The following GLRA1 variants were observed in gnomAD, a reference collection of about 807,000 sequenced individuals.
The protein encoded by GLRA1 is glycine receptor alpha 1.
In GLRA1, 37 loss-of-function variants were observed where a neutral mutation model predicts 48.3. That is an observed-to-expected ratio of 0.77 (90% confidence interval 0.59 to 1.01). The LOEUF is 1.01. Among genes scored for constraint, GLRA1 ranks in the 50% least tolerant of loss-of-function variants. GLRA1 has a pLI of 0.00. For missense variants in GLRA1, 427 were observed against 571.0 expected (o/e 0.75, Z 2.57); for synonymous variants, 196 against 210.7 (o/e 0.93, Z 0.60).
intron 1 of GLRA1, among the ~76,000 whole-genome samples, chr5:151,907,228 G>T (rs144527247): frequency 6.6e-6 from 1 of 152,188 alleles, no homozygotes; most frequent in East Asian, 1.9e-4. Flanking sequence ...CCAAGAAGCT[G>T]GTATACAGAA....
chr5:151,891,663 C>A (rs1391710250), intron 2 of GLRA1, among the ~76,000 whole-genome samples: 1 of 152,170 alleles, frequency 6.6e-6, no homozygotes, highest in African/African-American at 2.4e-5. Flanking sequence ...GTTATCTACC[C>A]AACCCTGGTA....
intron 7 of GLRA1, among the ~76,000 whole-genome samples, chr5:151,842,479 A>G (rs917829250): frequency 6.6e-6 from 1 of 152,234 alleles, no homozygotes; most frequent in Non-Finnish European, 1.5e-5. Flanking sequence ...CAGTCACCAT[A>G]TGAATAAAAT....
At chr5:151,920,295 T>C (rs1241590847) in intron 1 of GLRA1, among the ~76,000 whole-genome samples, 3 of 152,140 alleles carry the variant, frequency 2.0e-5, no homozygotes, top group African/African-American at 7.2e-5. Flanking sequence ...TGAGTCCCCA[T>C]TAGAGGAAGA....
chr5:151,828,257 G>T (rs988953928), intron 8 of GLRA1, among the ~76,000 whole-genome samples: 3 of 152,168 alleles, frequency 2.0e-5, no homozygotes, highest in Admixed American at 2.0e-4. Flanking sequence ...AAGCTAGGGT[G>T]GTTGGATCTT....
intron 1 of GLRA1, among the ~76,000 whole-genome samples, chr5:151,919,957 G>A (rs1581669004): frequency 1.3e-5 from 2 of 152,364 alleles, no homozygotes; most frequent in East Asian, 3.9e-4. Flanking sequence ...CGCAGGACGC[G>A]CGAACAGGCT....
At chr5:151,873,429 C>T (rs983434245) in intron 3 of GLRA1, among the ~76,000 whole-genome samples, 6 of 146,950 alleles carry the variant, frequency 4.1e-5, no homozygotes, top group Non-Finnish European at 5.9e-5. Flanking sequence ...GGGAGGCTGA[C>T]GGTGTGGATA....
intron 2 of GLRA1, among the ~76,000 whole-genome samples, chr5:151,888,371 G>A (rs1302968469): frequency 1.3e-5 from 2 of 152,188 alleles, no homozygotes; most frequent in East Asian, 3.8e-4. Flanking sequence ...GCACTCACTG[G>A]TTGTTTACCT....
At position 151,924,570 on chromosome 5, in the gene GLRA1, G is replaced by C; in HGVS notation, c.-21C>G. ...TACATTTTTCAGGTCCTTGTGCTTT[G>C]TAGTCCACGAGTTATGGGGGCAAAA... On this transcript the variant is annotated 5_prime_UTR_variant, in exon 1 of 9. Coordinates refer to ENST00000274576, the MANE Select transcript of GLRA1 (RefSeq NM_000171.4). The C allele has an allele frequency of 6.5e-7, 1 of 1,534,398 alleles. No homozygotes were observed. Among genetic ancestry groups the C allele is most frequent in the Middle Eastern group, 1.7e-4 (1 of 5,930 alleles).
intron 3 of GLRA1, 56 bp downstream of exon 3, chr5:151,886,665 T>C (rs1016219303): frequency 7.8e-7 from 1 of 1,282,846 alleles, no homozygotes; most frequent in African/African-American, 1.5e-5. Context: ...AGGATAAATA[T>C]TTCATGGAGA....
intron 7 of GLRA1, among the ~76,000 whole-genome samples, chr5:151,846,885 A>G (rs1213930359): frequency 6.6e-6 from 1 of 152,170 alleles, no homozygotes; most frequent in African/African-American, 2.4e-5. Flanking sequence ...AGTTAATGTT[A>G]ATTTTTAAAG....
intron 3 of GLRA1, among the ~76,000 whole-genome samples, chr5:151,883,074 G>A (rs1300160095): frequency 6.6e-6 from 1 of 152,064 alleles, no homozygotes; most frequent in Non-Finnish European, 1.5e-5. Flanking sequence ...TATGAAATAT[G>A]CCTGCTTGGA....
intron 3 of GLRA1, among the ~76,000 whole-genome samples, chr5:151,878,373 T>C (rs181547895): frequency 3.0e-4 from 46 of 152,270 alleles, no homozygotes; most frequent in African/African-American, 1.1e-3. Flanking sequence ...AAGCAGAGCA[T>C]AAAAATTTGG....
intron 1 of GLRA1, among the ~76,000 whole-genome samples, chr5:151,901,359 TG>T: frequency 6.6e-6 from 1 of 152,152 alleles, no homozygotes; most frequent in Non-Finnish European, 1.5e-5. Context: ...GGCTTAAGCA[TG>T]GGGGCATCAA....
chr5:151,924,287 G>A (rs1341220322), intron 1 of GLRA1, among the ~76,000 whole-genome samples: 1 of 132,126 alleles, frequency 7.6e-6, no homozygotes, highest in African/African-American at 2.8e-5. Context: ...AGACCTCCAC[G>A]CACAAGCCAG....
At chr5:151,914,957 T>A (rs936451734) in intron 1 of GLRA1, among the ~76,000 whole-genome samples, 1 of 152,208 alleles carries the variant, frequency 6.6e-6, no homozygotes, top group Admixed American at 6.5e-5. Flanking sequence ...CCTGGTTCAT[T>A]CTTAGAGTAA....
intron 2 of GLRA1, 61 bp from the exon 3 acceptor site, chr5:151,886,849 A>G (rs535633465): frequency 8.3e-7 from 1 of 1,200,332 alleles, no homozygotes; most frequent in Non-Finnish European, 1.2e-6. Context: ...ACAGGGTAGG[A>G]CTCATTCCCA....
chr5:151,875,090 C>A (rs1280263992), intron 3 of GLRA1, among the ~76,000 whole-genome samples: 2 of 152,170 alleles, frequency 1.3e-5, no homozygotes, highest in African/African-American at 4.8e-5. Flanking sequence ...ATTTGATCAA[C>A]TGATCCCAGG....
At chr5:151,858,409 G>A (rs6879622) in intron 4 of GLRA1, among the ~76,000 whole-genome samples, 103,279 of 152,094 alleles carry the variant, frequency 0.68, 36,365 homozygotes, top group East Asian at 1. Context: ...CTTTCTGCTG[G>A]TTTGTCCTAT....
At chr5:151,873,665 C>CAAA (rs60113920) in intron 3 of GLRA1, among the ~76,000 whole-genome samples, 5 of 107,916 alleles carry the variant, frequency 4.6e-5, no homozygotes, top group African/African-American at 1.7e-4. Flanking sequence ...CACTTTGTCT[C>CAAA]AAAAAAAAAA....
Sources: allele counts gnomAD v4.1 joint callset (sites outside exome capture counted in the v4.1 genomes callset), GRCh38; gene constraint gnomAD v4.1.1; transcripts MANE v1.5; gene names NCBI Gene and HGNC (gene_info 2026-07-23, HGNC 2026-07-21).